Variants in HEXB observed in about 807,000 individuals in gnomAD.
HEXB encodes beta-hexosaminidase subunit beta.
In HEXB, 51 loss-of-function variants were observed where a neutral mutation model predicts 71.2. The observed-to-expected ratio is 0.72, with a 90% confidence interval of 0.57 to 0.90. The LOEUF is 0.90. Among genes scored for constraint, HEXB ranks in the 40% least tolerant of loss-of-function variants. The pLI is 0.00. For synonymous variants in HEXB, 266 were observed against 249.3 expected (o/e 1.07, Z -0.63); for missense variants, 617 against 677.0 (o/e 0.91, Z 0.98).
chr5:74,647,242 C>A (rs1486905015), intron 1 of HEXB, among the ~76,000 whole-genome samples: 2 of 152,226 alleles, frequency 1.3e-5, no homozygotes, highest in Non-Finnish European at 2.9e-5. Context: ...TTGTTTGAAG[C>A]AATGAAAATG....
intron 1 of HEXB, among the ~76,000 whole-genome samples, chr5:74,666,729 T>A (rs1446123863): frequency 6.6e-6 from 1 of 152,058 alleles, no homozygotes; most frequent in Non-Finnish European, 1.5e-5. Flanking sequence ...CCTCTATCAA[T>A]CAACCTGCTC....
chr5:74,651,464 C>G (rs1002789478), intron 1 of HEXB, among the ~76,000 whole-genome samples: 2 of 152,196 alleles, frequency 1.3e-5, no homozygotes, highest in African/African-American at 4.8e-5. Flanking sequence ...GCAAGAAAGT[C>G]TAACAAAACA....
At chr5:74,717,074 C>G (rs1340752522) in intron 9 of HEXB, among the ~76,000 whole-genome samples, 1 of 152,166 alleles carries the variant, frequency 6.6e-6, no homozygotes, top group African/African-American at 2.4e-5. Flanking sequence ...CCTGTAGTCC[C>G]AGCTACTCGG....
chr5:74,700,080 C>T (rs1426696806), intron 5 of HEXB, among the ~76,000 whole-genome samples: 1 of 139,848 alleles, frequency 7.2e-6, no homozygotes, highest in Non-Finnish European at 1.5e-5. Context: ...AATCTTGGCT[C>T]ACTGTAATCT....
intron 1 of HEXB, among the ~76,000 whole-genome samples, chr5:74,669,509 T>C (rs1171830733): frequency 6.6e-6 from 1 of 152,178 alleles, no homozygotes; most frequent in East Asian, 1.9e-4. Flanking sequence ...AATTCTTCCT[T>C]TGCTATTTAT....
At chr5:74,716,881 A>T in intron 9 of HEXB, 1 of 435,790 alleles carries the variant, frequency 2.3e-6, no homozygotes, top group Non-Finnish European at 4.3e-6. Flanking sequence ...ATAGGAAGGC[A>T]GTCATCTGTT....
chr5:74,697,895 G>A (rs1749151064), intron 5 of HEXB, among the ~76,000 whole-genome samples: 1 of 151,868 alleles, frequency 6.6e-6, no homozygotes, highest in Non-Finnish European at 1.5e-5. Flanking sequence ...GAACCTCAGG[G>A]GTGGTATGGG....
upstream of HEXB, among the ~76,000 whole-genome samples, chr5:74,680,850 G>A (rs942430649): frequency 6.6e-6 from 1 of 152,204 alleles, no homozygotes; most frequent in African/African-American, 2.4e-5. Flanking sequence ...AAAATCCAGT[G>A]ATGCATTTTA....
chr5:74,648,783 T>C (rs2112070814), intron 1 of HEXB, among the ~76,000 whole-genome samples: 1 of 152,352 alleles, frequency 6.6e-6, no homozygotes, highest in East Asian at 1.9e-4. Flanking sequence ...ACTTTCCACA[T>C]CCCAATTTTT....
intron 8 of HEXB, among the ~76,000 whole-genome samples, chr5:74,716,263 A>C (rs903153317): frequency 2.0e-5 from 3 of 152,292 alleles, no homozygotes; most frequent in South Asian, 2.1e-4. Flanking sequence ...CTGTGAAATG[A>C]GAACACCTTT....
Position 74,670,664 on chromosome 5 carries a change from G to A in HEXB, c.-376-18664G>A, listed in dbSNP as rs143764830. ...CTGTCAGTCAGGCTGTGGATGGCAA[G>A]ACTAAAAGAGCTAATTAGCACTCTG... is the stretch of plus-strand genomic sequence containing the variant. On this transcript the variant is annotated intron_variant, in intron 1 of 13. Coordinates refer to the HEXB transcript ENST00000511181. 4.5e-3 allele frequency among the ~76,000 whole-genome samples: 686 copies of A among 152,312 alleles called. 9 individuals are homozygous for A. The highest frequency in any genetic ancestry group is 0.016 in the African/African-American group (650 of 41,574).
intron 6 of HEXB, among the ~76,000 whole-genome samples, chr5:74,706,471 C>A (rs1032555483): frequency 6.6e-6 from 1 of 152,196 alleles, no homozygotes; most frequent in South Asian, 2.1e-4. Context: ...GCGCATCATG[C>A]GCGAGCCGAA....
At chr5:74,677,953 G>T (rs914934967) in intron 1 of HEXB, among the ~76,000 whole-genome samples, 1 of 152,076 alleles carries the variant, frequency 6.6e-6, no homozygotes, top group Non-Finnish European at 1.5e-5. Flanking sequence ...ATAAAACAAT[G>T]TGTGTGCATG....
chr5:74,667,268 AACTAT>A (rs1350694527), intron 1 of HEXB, among the ~76,000 whole-genome samples: 1 of 152,084 alleles, frequency 6.6e-6, no homozygotes, highest in African/African-American at 2.4e-5. Flanking sequence ...ACAAAAAAAA[AACTAT>A]CCAGGCATGG....
intron 1 of HEXB, among the ~76,000 whole-genome samples, chr5:74,674,119 C>G (rs1426886063): frequency 6.6e-6 from 1 of 152,122 alleles, no homozygotes; most frequent in Non-Finnish European, 1.5e-5. Flanking sequence ...CATTATTATT[C>G]ATGTGAGTCT....
At chr5:74,700,001 C>CTTTT (rs58177670) in intron 5 of HEXB, among the ~76,000 whole-genome samples, 12 of 40,360 alleles carry the variant, frequency 3.0e-4, no homozygotes, top group East Asian at 1.5e-3. Context: ...TGTAAGTTTC[C>CTTTT]TTTTTTTTTT....
At chr5:74,692,270 G>A (rs1191974781) in intron 2 of HEXB, among the ~76,000 whole-genome samples, 12 of 151,398 alleles carry the variant, frequency 7.9e-5, no homozygotes, top group Non-Finnish European at 1.6e-4. Flanking sequence ...GGCTGAGGCC[G>A]GTAGATGGCT....
At chr5:74,720,008 A>C (rs1749785219) in intron 11 of HEXB, 3 of 189,030 alleles carry the variant, frequency 1.6e-5, no homozygotes, top group Non-Finnish European at 1.1e-5. Flanking sequence ...GTAGAAATTA[A>C]AGGTAGGCAT....
At chr5:74,640,480 G>A (rs1355767222) in exon 1 of HEXB, 3 of 152,300 alleles carry the variant, frequency 2.0e-5, no homozygotes, top group Non-Finnish European at 4.4e-5. Context: ...GGCTACCGAT[G>A]GCGTTCGCCT....
Sources: gnomAD v4.1 joint callset for allele counts (sites outside exome capture counted in the v4.1 genomes callset) on GRCh38, gnomAD v4.1.1 for gene constraint, MANE v1.5 for transcripts, NCBI Gene and HGNC (gene_info 2026-07-23, HGNC 2026-07-21) for gene names.